The following SAMD4B variants were observed in gnomAD, a reference collection of about 807,000 sequenced individuals.
The protein encoded by SAMD4B is protein Smaug homolog 2.
SAMD4B carries 5 observed loss-of-function variants against 74.5 expected under a neutral mutation model. That is an observed-to-expected ratio of 0.07 (90% confidence interval 0.04 to 0.14). The LOEUF (loss-of-function observed/expected upper bound fraction) is 0.14. SAMD4B is among the 10% of genes least tolerant of loss of function. The pLI is 1.00. For synonymous variants in SAMD4B, 373 were observed against 374.9 expected (o/e 1.00, Z 0.06); for missense variants, 608 against 921.8 (o/e 0.66, Z 4.41).
At chr19:39,389,388 G>A (rs781346805), downstream of SAMD4B, 1 of 1,613,976 alleles carries the variant, frequency 6.2e-7, no homozygotes, top group Admixed American at 1.7e-5. The surrounding 1 kb of genome is among the most constrained non-coding windows in gnomAD (Gnocchi z 5.3). Context: ...TGGGATCTGG[G>A]GTGGGAAATC....
chr19:39,372,306 CAT>C (rs1568360212), intron 4 of SAMD4B, among the ~76,000 whole-genome samples: 1 of 152,152 alleles, frequency 6.6e-6, no homozygotes, highest in African/African-American at 2.4e-5. Context: ...CTAAGGACTT[CAT>C]GCAGAAATGG....
chr19:39,379,511 C>G (rs1035154228), intron 9 of SAMD4B, among the ~76,000 whole-genome samples: 4 of 152,230 alleles, frequency 2.6e-5, no homozygotes, highest in African/African-American at 9.6e-5. Context: ...ACTGTAAGCT[C>G]TCTGGGCATG....
At chr19:39,358,211 C>T (rs1462953091) in intron 3 of SAMD4B, among the ~76,000 whole-genome samples, 2 of 152,174 alleles carry the variant, frequency 1.3e-5, no homozygotes, top group African/African-American at 4.8e-5. Context: ...GCGGAGGTTG[C>T]AGTGAGCCAA....
intron 3 of SAMD4B, among the ~76,000 whole-genome samples, chr19:39,367,354 G>A (rs1019331587): frequency 4.6e-5 from 7 of 152,130 alleles, no homozygotes; most frequent in Non-Finnish European, 1.0e-4. Flanking sequence ...TTGCCCAAGG[G>A]TGAGAGCGTA....
downstream of SAMD4B, among the ~76,000 whole-genome samples, chr19:39,387,545 T>C (rs1052496075): frequency 3.3e-5 from 5 of 152,194 alleles, no homozygotes; most frequent in Non-Finnish European, 7.3e-5. Context: ...CCACTGCTCT[T>C]TTACATTTCC....
At chr19:39,365,242 T>TA (rs57136164) in intron 3 of SAMD4B, among the ~76,000 whole-genome samples, 986 of 90,848 alleles carry the variant, frequency 0.011, 6 homozygotes, top group African/African-American at 0.014. Context: ...CGAGACTCCG[T>TA]AAAAAAAAAA....
chr19:39,380,747 G>A lies in SAMD4B; in HGVS notation c.1810G>A (p.Ala604Thr). 1.3e-6 allele frequency: 2 copies of A among 1,582,442 alleles called. No individual in the cohort carries two copies. Among genetic ancestry groups the A allele is most frequent in the Non-Finnish European group, 1.7e-6 (2 of 1,163,292 alleles). ...SGIGGVSPRH[A>T]LTSPSLGGQG... ...CATTGGGGGTGTCTCCCCTCGACAT[G>A]CCCTCACCAGCCCCAGCCTTGGAGG... Residue 604 changes from alanine to threonine, a missense_variant, in exon 11 of 14, where the codon GCC becomes ACC. By Grantham distance (58) the Ala-to-Thr change is moderately conservative. Coordinates refer to ENST00000610417, the MANE Select transcript of SAMD4B (RefSeq NM_001384574.2).
chr19:39,386,032 C>T, downstream of SAMD4B: 3 of 1,613,912 alleles, frequency 1.9e-6, no homozygotes, highest in Non-Finnish European at 2.5e-6. The surrounding 1 kb of genome is among the most constrained non-coding windows in gnomAD (Gnocchi z 6.1). Context: ...TCAGAAGCTG[C>T]AGCTTCACTG....
chr19:39,354,837 G>A (rs764722432), intron 2 of SAMD4B, among the ~76,000 whole-genome samples: 3 of 152,018 alleles, frequency 2.0e-5, no homozygotes, highest in South Asian at 2.1e-4. Context: ...TATAGGGCTC[G>A]GTAGTTCAAG....
chr19:39,387,164 C>T (rs756515906), downstream of SAMD4B: 17 of 427,030 alleles, frequency 4.0e-5, no homozygotes, highest in Non-Finnish European at 6.9e-5. Flanking sequence ...CATACCTAGG[C>T]TGTAATGGTG....
At chr19:39,389,253 C>T (rs749077532), downstream of SAMD4B, 2 of 1,608,892 alleles carry the variant, frequency 1.2e-6, no homozygotes, top group South Asian at 2.2e-5. This position sits in a 1 kb window ranked among gnomAD's most constrained non-coding sequence, Gnocchi z 5.3. Flanking sequence ...AATATCTCCA[C>T]CTTCCCTCTC....
chr19:39,361,382 C>G (rs1484962418), intron 3 of SAMD4B, among the ~76,000 whole-genome samples: 1 of 151,868 alleles, frequency 6.6e-6, no homozygotes, highest in Non-Finnish European at 1.5e-5. Flanking sequence ...TTTGGGAGGC[C>G]GAGGCAGGCG....
intron 3 of SAMD4B, among the ~76,000 whole-genome samples, chr19:39,367,204 C>T (rs1156566832): frequency 1.3e-5 from 2 of 152,146 alleles, no homozygotes; most frequent in African/African-American, 4.8e-5. Flanking sequence ...TTTTCATCAC[C>T]CACTCCTTTG....
At position 39,377,608 on chromosome 19, in the gene SAMD4B, G is replaced by A. The variant is rs2077680559; in HGVS notation, c.1228G>A (p.Ala410Thr). The change falls in exon 8 of 14, where the codon GCC (alanine) becomes ACC (threonine). Residue 410 changes from alanine (A) to threonine (T), a missense_variant. Coordinates refer to ENST00000610417, the MANE Select transcript of SAMD4B (RefSeq NM_001384574.2). ...GGCTGCCGCCACCACCACCCCTACTGCCAAGGATGGGGCCCCGGGGGAACC... is the reference window on the plus strand; with the variant it reads ...GGCTGCCGCCACCACCACCCCTACTACCAAGGATGGGGCCCCGGGGGAACC... ...TVAAATTTPT[A>T]KDGAPGEPPL... 6.2e-7 allele frequency: 1 copy of A among 1,614,066 alleles called. No individual in the cohort carries two copies. The highest frequency in any genetic ancestry group is 1.7e-5 in the Admixed American group (1 of 60,012).
chr19:39,380,892 G>T (rs1269365747), intron 11 of SAMD4B, 98 bp from the exon 12 acceptor site: 10 of 1,517,320 alleles, frequency 6.6e-6, no homozygotes, highest in Admixed American at 4.1e-5. Flanking sequence ...TAGAGGTGGC[G>T]GGGGTGGGAG....
chr19:39,381,026 A>C lies in SAMD4B; in HGVS notation c.1885A>C (p.Met629Leu), dbSNP rs1206542309. The C allele has an allele frequency of 6.2e-7, 1 of 1,612,908 alleles. No individual in the cohort carries two copies. ...WFANPGGSNS[M>L]PSQSRSSVQR... ...TGCCAACCCTGGAGGCAGCAACAGCATGCCCAGTCAGAGCCGCAGCTCTGT... is the reference window on the plus strand; with the variant it reads ...TGCCAACCCTGGAGGCAGCAACAGCCTGCCCAGTCAGAGCCGCAGCTCTGT... The change falls in exon 12 of 14, where the codon ATG (methionine) becomes CTG (leucine). Residue 629 changes from methionine to leucine, a missense_variant. This residue lies in a region of SAMD4B where 167 missense variants were observed against 193.0 expected (regional missense o/e 0.87). Transcript: ENST00000610417.
chr19:39,383,600 C>T lies in SAMD4B; in HGVS notation c.*73C>T, dbSNP rs1010540546. On this transcript the variant is annotated 3_prime_UTR_variant, in exon 14 of 14. Coordinates refer to ENST00000610417, the MANE Select transcript of SAMD4B (RefSeq NM_001384574.2). The surrounding 1 kb of genome is among the most constrained non-coding windows in gnomAD (Gnocchi z 4.1). Reference sequence around the variant, plus strand: ...GGGGCCAACCCCCAACGGGCTTCTCCGCGACAGCGAGAGGGTGGGCTGGCT... The same window carrying T: ...GGGGCCAACCCCCAACGGGCTTCTCTGCGACAGCGAGAGGGTGGGCTGGCT... 2.2e-5 allele frequency: 35 copies of T among 1,613,762 alleles called. No homozygotes were observed. The highest frequency in any genetic ancestry group is 1.6e-4 in the Middle Eastern group (1 of 6,082).
chr19:39,389,897 C>A, downstream of SAMD4B: 1 of 1,278,054 alleles, frequency 7.8e-7, no homozygotes, highest in Non-Finnish European at 1.1e-6. This position sits in a 1 kb window ranked among gnomAD's most constrained non-coding sequence, Gnocchi z 5.3. Context: ...AAGCTGGCTC[C>A]CCAGTGGGAA....
In SAMD4B at chr19:39,375,506, T is replaced by C; in HGVS notation, c.668-144T>C. ...AGGTAAGAGAATGAGGTATATCTGG[T>C]AGGCAGTTACCCTTGGACCCCAGGT... On this transcript the variant is annotated intron_variant, in intron 4 of 13. Coordinates refer to ENST00000610417, the MANE Select transcript of SAMD4B (RefSeq NM_001384574.2). The surrounding 1 kb of genome is among the most constrained non-coding windows in gnomAD (Gnocchi z 4.1). 1.0e-6 allele frequency: 1 copy of C among 994,824 alleles called. No homozygotes were observed. The highest frequency in any genetic ancestry group is 1.6e-5 in the South Asian group (1 of 63,328). The allele number at this position is 994,824 out of a possible 1,614,324, so 61.6% of individuals were successfully genotyped here.
Sources: allele counts gnomAD v4.1 joint callset (sites outside exome capture counted in the v4.1 genomes callset), GRCh38; gene constraint gnomAD v4.1.1; regional missense constraint gnomAD v4.1.1; non-coding constraint Gnocchi (gnomAD v3.1); transcripts MANE v1.5; gene names NCBI Gene and HGNC (gene_info 2026-07-23, HGNC 2026-07-21).